NRXN3: variants seen among roughly 807,000 people sequenced by gnomAD.
The protein encoded by NRXN3 is neurexin III.
Under a neutral mutation model 137.6 loss-of-function variants are expected in NRXN3, and 32 were observed. The ratio of observed to expected loss-of-function variants is 0.23; its 90% CI spans 0.18 to 0.31. The LOEUF (loss-of-function observed/expected upper bound fraction) is 0.31. Ranked by LOEUF, NRXN3 falls within the 10% of genes least tolerant of loss-of-function variation. The pLI, the probability that NRXN3 is intolerant of heterozygous loss-of-function variation, is 1.00. For synonymous variants in NRXN3, 798 were observed against 784.5 expected (o/e 1.02, Z -0.29); for missense variants, 1,574 against 2,062.5 (o/e 0.76, Z 4.59).
chr14:79,186,420 C>G (rs1413572685), intron 15 of NRXN3, among the ~76,000 whole-genome samples: 1 of 151,998 alleles, frequency 6.6e-6, no homozygotes, highest in Admixed American at 6.6e-5. Context: ...TATGAATCAC[C>G]CACTAACATC....
chr14:78,450,283 G>A lies in NRXN3; in HGVS notation c.757+152423G>A, dbSNP rs541527749. 8.7e-4 allele frequency among the ~76,000 whole-genome samples: 132 copies of A among 152,324 alleles called. 1 individual carries two copies. The highest frequency in any genetic ancestry group is 7.7e-3 in the South Asian group (37 of 4,830). ...ATGTTTTCAAAATTTTCTTCAGTGA[G>A]ATTTTTAACTTTTATAATGGAAAAT... On this transcript the variant is annotated intron_variant, in intron 4 of 20. Transcript: ENST00000335750.
At chr14:78,482,621 A>G (rs2095491898) in intron 4 of NRXN3, among the ~76,000 whole-genome samples, 1 of 152,216 alleles carries the variant, frequency 6.6e-6, no homozygotes, top group Non-Finnish European at 1.5e-5. Flanking sequence ...ATGTACTTCA[A>G]CAAGGACTTT....
At chr14:79,607,658 A>G (rs1413182338) in intron 16 of NRXN3, among the ~76,000 whole-genome samples, 1 of 150,054 alleles carries the variant, frequency 6.7e-6, no homozygotes, top group Non-Finnish European at 1.5e-5. Context: ...CCACATATTT[A>G]AATGTTAATC....
rs1218959782 is a variant in NRXN3, at chr14:78,926,282, C to T, written c.2276-30960C>T. ...ATTAGGCAGAGTAAGAGTTCAACAA[C>T]AGTAATTAAAAAAATAGAACAACTG... On this transcript the variant is annotated intron_variant, in intron 10 of 20. Coordinates refer to ENST00000335750, the MANE Select transcript of NRXN3 (RefSeq NM_001330195.2). Among the ~76,000 whole-genome samples the T allele has an allele frequency of 7.9e-5, 12 of 151,860 alleles. No individual in the cohort carries two copies. The East Asian group carries it at 1.5e-3, about 20-fold the overall frequency.
rs2140327483 is a variant in NRXN3, at chr14:79,793,119, G to A, written c.4015-11993G>A. ...AGTGCTGTTTCCTCCTGGTACCTTT[G>A]AGAGAATAAAGCTAGTTTAGACCCA... On this transcript the variant is annotated intron_variant, in intron 19 of 20. Coordinates refer to ENST00000335750, the MANE Select transcript of NRXN3 (RefSeq NM_001330195.2). 2.0e-5 allele frequency among the ~76,000 whole-genome samples: 3 copies of A among 152,238 alleles called. 1 individual carries two copies. The highest frequency in any genetic ancestry group is 2.9e-5 in the Non-Finnish European group (2 of 68,018).
At chr14:79,224,567 A>C (rs1180384358) in intron 15 of NRXN3, among the ~76,000 whole-genome samples, 1 of 152,162 alleles carries the variant, frequency 6.6e-6, no homozygotes, top group African/African-American at 2.4e-5. Context: ...TCTAGGACCT[A>C]TTCAGAGTTA....
rs144836357 is a variant in NRXN3 at position 79,279,321 on chromosome 14, C to G, written c.3263-187900C>G. On this transcript the variant is annotated intron_variant, in intron 15 of 20. Transcript: ENST00000335750. ...CGCTGGGGCTGCACTGATTTGCTCT[C>G]GGGAGTGCGCTATTTGCATATGACT... is the stretch of plus-strand genomic sequence containing the variant. The G allele has an allele frequency of 3.6e-3, 3,541 of 982,384 alleles. 10 individuals are homozygous for G. Among genetic ancestry groups the G allele is most frequent in the Non-Finnish European group, 3.9e-3 (3,260 of 827,054 alleles). The allele number at this position is 982,384 out of a possible 1,614,324, so 60.9% of individuals were successfully genotyped here.
At chr14:79,286,768 A>G (rs1041691214) in intron 15 of NRXN3, among the ~76,000 whole-genome samples, 3 of 152,060 alleles carry the variant, frequency 2.0e-5, no homozygotes, top group African/African-American at 7.2e-5. Flanking sequence ...CTTCAACCTC[A>G]ACCTTTGGTT....
At chr14:78,406,395 A>T (rs908403607) in intron 4 of NRXN3, among the ~76,000 whole-genome samples, 1 of 152,198 alleles carries the variant, frequency 6.6e-6, no homozygotes, top group Non-Finnish European at 1.5e-5. Flanking sequence ...TCCCCTACAT[A>T]GTTCCTGGGG....
chr14:79,136,247 A>G (rs921532402), intron 15 of NRXN3, among the ~76,000 whole-genome samples: 15 of 152,184 alleles, frequency 9.9e-5, no homozygotes, highest in African/African-American at 3.1e-4. Flanking sequence ...CCCTAGACAC[A>G]TTCGTTCATG....
At position 78,280,720 on chromosome 14, in the gene NRXN3, T is replaced by C. The variant is rs114060257; in HGVS notation, c.727+2058T>C. Among the ~76,000 whole-genome samples the C allele has an allele frequency of 8.0e-3, 1,217 of 152,254 alleles. 21 individuals are homozygous for C. The highest frequency in any genetic ancestry group is 0.028 in the African/African-American group (1,170 of 41,554). ...TTCTAGTGCTCACACAGGCGCCATATTGGTCCTGGGTGAGATAACATGGTG... is the reference window on the plus strand; with the variant it reads ...TTCTAGTGCTCACACAGGCGCCATACTGGTCCTGGGTGAGATAACATGGTG... On this transcript the variant is annotated intron_variant, in intron 3 of 20. Transcript: ENST00000335750.
chr14:78,980,694 T>C (rs544655729), intron 14 of NRXN3, among the ~76,000 whole-genome samples: 13 of 152,258 alleles, frequency 8.5e-5, no homozygotes, highest in Non-Finnish European at 1.9e-4. Flanking sequence ...ATCAGAATTA[T>C]CTGATAAATA....
chr14:79,819,938 C>T (rs1409344402), intron 20 of NRXN3, among the ~76,000 whole-genome samples: 1 of 152,050 alleles, frequency 6.6e-6, no homozygotes, highest in Non-Finnish European at 1.5e-5. Context: ...CTTCGCTTTG[C>T]CAGTGTGTCT....
intron 15 of NRXN3, among the ~76,000 whole-genome samples, chr14:79,143,814 A>G (rs529899237): frequency 5.6e-4 from 86 of 152,324 alleles, no homozygotes; most frequent in African/African-American, 1.8e-3. Flanking sequence ...ATATAGGTGC[A>G]TGAAAACTTG....
Position 79,267,209 on chromosome 14 carries a change from T to C in NRXN3, c.3263-200012T>C, listed in dbSNP as rs374176174. Among the ~76,000 whole-genome samples the C allele has an allele frequency of 1.8e-4, 28 of 152,320 alleles. No homozygotes were observed. In the South Asian group the frequency reaches 2.5e-3, roughly 14 times the overall value. ...AAGGAGAGAAAGAGAGATAATAATT[T>C]GATCACAGTTCTCTTTCTAAAAGCA... On this transcript the variant is annotated intron_variant, in intron 15 of 20. Transcript: ENST00000335750.
chr14:78,285,512 A>T (rs2075052892), intron 3 of NRXN3, among the ~76,000 whole-genome samples: 1 of 152,152 alleles, frequency 6.6e-6, no homozygotes, highest in African/African-American at 2.4e-5. Context: ...AAAGTAGTGG[A>T]ACAGAATGCA....
chr14:79,325,413 A>G (rs2090707556), intron 15 of NRXN3, among the ~76,000 whole-genome samples: 2 of 152,334 alleles, frequency 1.3e-5, no homozygotes, highest in Admixed American at 1.3e-4. Context: ...GAGGACTGAC[A>G]TTAATGCTTA....
At chr14:79,661,153 G>T (rs1480100119) in intron 16 of NRXN3, among the ~76,000 whole-genome samples, 1 of 152,082 alleles carries the variant, frequency 6.6e-6, no homozygotes, top group Non-Finnish European at 1.5e-5. Context: ...TTAAAGCTAG[G>T]TGCTTTTCCT....
intron 7 of NRXN3, 138 bp from the exon 8 acceptor site, chr14:78,714,618 T>C: frequency 1.0e-6 from 1 of 1,004,124 alleles, no homozygotes; most frequent in Middle Eastern, 2.2e-4. Flanking sequence ...TTTTCCATTG[T>C]CTTGTAACAT....
Sources: allele counts gnomAD v4.1 joint callset (sites outside exome capture counted in the v4.1 genomes callset), GRCh38; gene constraint gnomAD v4.1.1; transcripts MANE v1.5; gene names NCBI Gene and HGNC (gene_info 2026-07-23, HGNC 2026-07-21).